SUZ12: variants seen among roughly 807,000 people sequenced by gnomAD.
SUZ12 encodes the protein SUZ12 polycomb repressive complex 2 subunit.
Under a neutral mutation model 87.3 loss-of-function variants are expected in SUZ12, and 17 were observed. The ratio of observed to expected loss-of-function variants is 0.19; its 90% CI spans 0.13 to 0.29. SUZ12 has a LOEUF of 0.29. Among genes scored for constraint, SUZ12 ranks in the 10% least tolerant of loss-of-function variants. The probability of loss-of-function intolerance (pLI) is 1.00; values close to 1 mark genes in which losing one functional copy is unlikely to be tolerated. For missense variants in SUZ12, 526 were observed against 912.2 expected (o/e 0.58, Z 5.45); for synonymous variants, 253 against 312.4 (o/e 0.81, Z 2.01).
intron 4 of SUZ12, among the ~76,000 whole-genome samples, chr17:31,965,193 G>C (rs1908016594): frequency 6.6e-6 from 1 of 151,774 alleles, no homozygotes; most frequent in Non-Finnish European, 1.5e-5. Context: ...TTAGTGCCCA[G>C]CAACTATTTC....
chr17:31,982,847 C>T (rs1226175475), intron 8 of SUZ12, 152 bp from the exon 9 acceptor site: 27 of 1,041,626 alleles, frequency 2.6e-5, no homozygotes, highest in Non-Finnish European at 3.6e-5. Flanking sequence ...TTCATCAGGA[C>T]TGGAGTGTAG....
At chr17:31,978,878 C>A (rs551616714) in intron 8 of SUZ12, among the ~76,000 whole-genome samples, 15 of 151,912 alleles carry the variant, frequency 9.9e-5, no homozygotes, top group African/African-American at 2.9e-4. Flanking sequence ...GAGGCTGAGG[C>A]GGGCGGATCA....
intron 3 of SUZ12, among the ~76,000 whole-genome samples, chr17:31,946,971 CTT>C (rs920741166): frequency 6.6e-6 from 1 of 152,138 alleles, no homozygotes; most frequent in Non-Finnish European, 1.5e-5. Context: ...ACAACTGTCT[CTT>C]TAATATGACA....
chr17:31,987,049 GTT>G (rs889688000), intron 9 of SUZ12, among the ~76,000 whole-genome samples: 1 of 145,912 alleles, frequency 6.9e-6, no homozygotes, highest in East Asian at 1.9e-4. Context: ...TATAACAAAG[GTT>G]TTTTTGTTTT....
At position 31,960,753 on chromosome 17, in the gene SUZ12, A is replaced by G. The variant is rs540679332; in HGVS notation, c.456-5394A>G. The stretch of plus-strand genomic sequence containing the variant: ...TCACCACGCCTGGCTAATTTTTTGT[A>G]TTTTTAGTAGAGACAAGGTTTCACC... On this transcript the variant is annotated intron_variant, in intron 4 of 15. Transcript: ENST00000322652. Among the ~76,000 whole-genome samples the G allele has an allele frequency of 1.1e-4, 17 of 150,186 alleles. No individual in the cohort carries two copies. The East Asian group carries it at 2.2e-3, about 20-fold the overall frequency.
In SUZ12 at chr17:31,950,946, A is replaced by G. The variant is rs181479123; in HGVS notation, c.455+3261A>G. On this transcript the variant is annotated intron_variant, in intron 4 of 15. Coordinates refer to ENST00000322652, the MANE Select transcript of SUZ12 (RefSeq NM_015355.4). Reference sequence around the variant, plus strand: ...CAGGCGCCCGCCACCTTGCCCAGCTAATTTTTTGTATTTTTAGTAGAGACG... The same window carrying G: ...CAGGCGCCCGCCACCTTGCCCAGCTGATTTTTTGTATTTTTAGTAGAGACG... 3.7e-3 allele frequency among the ~76,000 whole-genome samples: 568 copies of G among 152,016 alleles called. 6 individuals are homozygous for G. Among genetic ancestry groups the G allele is most frequent in the African/African-American group, 0.013 (527 of 41,482 alleles).
intron 9 of SUZ12, among the ~76,000 whole-genome samples, chr17:31,984,377 G>A: frequency 6.6e-6 from 1 of 152,026 alleles, no homozygotes; most frequent in South Asian, 2.1e-4. Context: ...ATTCTGCAAG[G>A]CTCATAAACA....
rs1370839576 is a variant in SUZ12, at chr17:31,999,294, T to TC, written c.*292dup. The stretch of plus-strand genomic sequence containing the variant: ...AATGTCATCAAATATGTTGAATTGA[T>TC]CTAGAAATTATTTCATATATAAATC... On this transcript the variant is annotated 3_prime_UTR_variant, in exon 16 of 16. Coordinates refer to ENST00000322652, the MANE Select transcript of SUZ12 (RefSeq NM_015355.4). The TC allele has an allele frequency of 1.2e-5, 3 of 255,918 alleles. No homozygotes were observed. Among genetic ancestry groups the TC allele is most frequent in the African/African-American group, 2.2e-5 (1 of 46,084 alleles). 15.9% of individuals were successfully genotyped at this position (255,918 alleles called of 1,614,324 possible).
intron 5 of SUZ12, among the ~76,000 whole-genome samples, chr17:31,970,855 A>T (rs932358737): frequency 7.9e-5 from 12 of 151,940 alleles, no homozygotes; most frequent in South Asian, 2.1e-4. Flanking sequence ...AGAACAAAAA[A>T]TTTTTTTTGT....
At chr17:31,996,226 T>C (rs1045254418) in intron 14 of SUZ12, among the ~76,000 whole-genome samples, 2 of 152,120 alleles carry the variant, frequency 1.3e-5, no homozygotes, top group African/African-American at 4.8e-5. Flanking sequence ...AACAAAAAAG[T>C]TACCAAGTTA....
At chr17:31,974,344 G>A (rs969675172) in intron 6 of SUZ12, among the ~76,000 whole-genome samples, 4 of 152,200 alleles carry the variant, frequency 2.6e-5, no homozygotes, top group African/African-American at 4.8e-5. Flanking sequence ...TGGCTAACAC[G>A]GTGAAATCTC....
chr17:31,956,762 A>G (rs1041043540), intron 4 of SUZ12, among the ~76,000 whole-genome samples: 22 of 151,778 alleles, frequency 1.4e-4, no homozygotes, highest in African/African-American at 4.6e-4. Flanking sequence ...GTGTGTGTGT[A>G]TATATATGTA....
intron 8 of SUZ12, among the ~76,000 whole-genome samples, chr17:31,980,013 G>T (rs1909002545): frequency 7.2e-6 from 1 of 139,452 alleles, no homozygotes; most frequent in Non-Finnish European, 1.5e-5. Context: ...TATATGTATA[G>T]AGAGAGAGAG....
intron 9 of SUZ12, among the ~76,000 whole-genome samples, chr17:31,985,613 TTA>T (rs1437595645): frequency 1.3e-5 from 2 of 151,868 alleles, no homozygotes; most frequent in African/African-American, 4.8e-5. Context: ...ACTATAAGGA[TTA>T]TATATATGAA....
At chr17:31,988,797 G>C (rs1323473149) in intron 10 of SUZ12, among the ~76,000 whole-genome samples, 1 of 151,694 alleles carries the variant, frequency 6.6e-6, no homozygotes, top group Non-Finnish European at 1.5e-5. Context: ...TTGGCCGAGC[G>C]CAGTGGCTCA....
At chr17:31,986,733 G>T (rs1359594733) in intron 9 of SUZ12, among the ~76,000 whole-genome samples, 10 of 152,032 alleles carry the variant, frequency 6.6e-5, no homozygotes, top group African/African-American at 2.4e-4. Context: ...TTGTATTTTA[G>T]TAGAGACGGG....
At chr17:31,946,726 A>T (rs180855554) in intron 3 of SUZ12, among the ~76,000 whole-genome samples, 131 of 152,316 alleles carry the variant, frequency 8.6e-4, no homozygotes, top group South Asian at 4.1e-4. Flanking sequence ...TAAATTATAT[A>T]TGGGTATAGA....
chr17:31,955,773 T>C (rs1907284836), intron 4 of SUZ12, among the ~76,000 whole-genome samples: 1 of 151,808 alleles, frequency 6.6e-6, no homozygotes, highest in Non-Finnish European at 1.5e-5. Context: ...AGAGATCCAT[T>C]GTCTTGTCAT....
intron 8 of SUZ12, among the ~76,000 whole-genome samples, chr17:31,980,739 C>T (rs113984207): frequency 0.018 from 2,675 of 146,634 alleles, 77 homozygotes; most frequent in African/African-American, 0.064. Context: ...TGAGCCACTG[C>T]GCCCCGGCCT....
Sources: gnomAD v4.1 joint callset for allele counts (sites outside exome capture counted in the v4.1 genomes callset) on GRCh38, gnomAD v4.1.1 for gene constraint, MANE v1.5 for transcripts, NCBI Gene and HGNC (gene_info 2026-07-23, HGNC 2026-07-21) for gene names.